The following ADCY1 variants were observed in gnomAD, a reference collection of about 807,000 sequenced individuals.
ADCY1 encodes the protein adenylate cyclase type 1.
ADCY1 carries 28 observed loss-of-function variants against 105.4 expected under a neutral mutation model. The observed-to-expected ratio is 0.27, with a 90% CI of 0.20 to 0.36. The LOEUF (loss-of-function observed/expected upper bound fraction) is 0.36, where lower values mean the gene tolerates loss of function less well. Among genes scored for constraint, ADCY1 ranks in the 10% least tolerant of loss-of-function variants. The probability of loss-of-function intolerance (pLI) is 1.00; values close to 1 mark genes in which losing one functional copy is unlikely to be tolerated. For synonymous variants in ADCY1, 655 were observed against 623.8 expected (o/e 1.05, Z -0.75); for missense variants, 977 against 1,434.2 (o/e 0.68, Z 5.15).
intron 1 of ADCY1, 111 bp from the exon 2 acceptor site, chr7:45,592,648 C>A: frequency 6.7e-7 from 1 of 1,482,062 alleles, no homozygotes; most frequent in Non-Finnish European, 9.2e-7. Flanking sequence ...TGGGTTTGGC[C>A]CGGGCGGCGT....
intron 8 of ADCY1, among the ~76,000 whole-genome samples, chr7:45,669,576 T>C (rs1393158683): frequency 6.6e-6 from 1 of 152,190 alleles, no homozygotes; most frequent in Non-Finnish European, 1.5e-5. Flanking sequence ...GGAATAGGTG[T>C]GGTGTGGTGC....
chr7:45,667,587 G>A (rs1377182069), intron 8 of ADCY1, among the ~76,000 whole-genome samples: 1 of 152,120 alleles, frequency 6.6e-6, no homozygotes, highest in Non-Finnish European at 1.5e-5. Context: ...TGTTCTTTTG[G>A]CTTAGGATTG....
Position 45,721,452 on chromosome 7 carries a change from T to A in ADCY1, c.*7457T>A, listed in dbSNP as rs1785470186. ...ATATACAGAATCTCCTTAAGAGCTG[T>A]TGCCTTATTTTTTTGTAAAGCCTCT... is the stretch of plus-strand genomic sequence containing the variant. On this transcript the variant is annotated 3_prime_UTR_variant, in exon 20 of 20. Transcript: ENST00000297323. The A allele has an allele frequency of 2.6e-6, 1 of 387,364 alleles. No homozygotes were observed. Among genetic ancestry groups the A allele is most frequent in the South Asian group, 1.4e-4 (1 of 6,928 alleles). The allele number at this position is 387,364 out of a possible 1,614,324, so 24.0% of individuals were successfully genotyped here.
chr7:45,599,585 C>T (rs1474244), intron 2 of ADCY1, among the ~76,000 whole-genome samples: 1 of 150,202 alleles, frequency 6.7e-6, no homozygotes, highest in African/African-American at 2.5e-5. Flanking sequence ...GGCATGTCCT[C>T]GGGGGCTGTG....
At chr7:45,602,010 C>T (rs768346456) in intron 2 of ADCY1, among the ~76,000 whole-genome samples, 155 of 152,070 alleles carry the variant, frequency 1.0e-3, no homozygotes, top group Non-Finnish European at 1.8e-3. Flanking sequence ...TTGACTGAAC[C>T]GAATAGGGAC....
chr7:45,631,598 ACAT>A (rs1265544096), intron 4 of ADCY1, among the ~76,000 whole-genome samples: 1 of 152,242 alleles, frequency 6.6e-6, no homozygotes, highest in Non-Finnish European at 1.5e-5. Flanking sequence ...TTGAAAACAA[ACAT>A]CATCCACAAA....
chr7:45,576,074 C>T (rs1484486064), intron 1 of ADCY1, among the ~76,000 whole-genome samples: 1 of 152,184 alleles, frequency 6.6e-6, no homozygotes, highest in Non-Finnish European at 1.5e-5. Flanking sequence ...TTTGGAAGAC[C>T]CTGAGGAGGG....
chr7:45,633,875 T>C (rs963298653), intron 4 of ADCY1, among the ~76,000 whole-genome samples: 1 of 152,036 alleles, frequency 6.6e-6, no homozygotes, highest in Non-Finnish European at 1.5e-5. Context: ...CCACAATTAC[T>C]TTTGCATCAA....
chr7:45,580,922 T>C (rs187606844), intron 1 of ADCY1, among the ~76,000 whole-genome samples: 104 of 152,264 alleles, frequency 6.8e-4, no homozygotes, highest in Non-Finnish European at 1.4e-3. Context: ...ACGGTGGTTT[T>C]AGGTTGATGT....
intron 5 of ADCY1, among the ~76,000 whole-genome samples, chr7:45,653,960 C>A (rs1794876681): frequency 6.6e-6 from 1 of 152,200 alleles, no homozygotes; most frequent in African/African-American, 2.4e-5. Context: ...TGGCTCCCAT[C>A]CTTCAGGCGA....
chr7:45,677,790 G>A, intron 8 of ADCY1, 79 bp from the exon 9 acceptor site: 1 of 1,472,204 alleles, frequency 6.8e-7, no homozygotes, highest in Non-Finnish European at 9.2e-7. Flanking sequence ...AGCGGATCTG[G>A]CTGGAGGGAG....
rs887251417 is a variant in ADCY1, at chr7:45,715,656, T to C, written c.*1661T>C. 2.6e-5 allele frequency: 4 copies of C among 152,516 alleles called. No individual in the cohort carries two copies. Among genetic ancestry groups the C allele is most frequent in the African/African-American group, 9.7e-5 (4 of 41,444 alleles). 9.4% of individuals were successfully genotyped at this position (152,516 alleles called of 1,614,324 possible). ...TGATCCTGCCTCAGCTGTGTGGCCATGTGGGGGCAGCAGGGGCCTGGGCCA... is the reference window on the plus strand; with the variant it reads ...TGATCCTGCCTCAGCTGTGTGGCCACGTGGGGGCAGCAGGGGCCTGGGCCA... On this transcript the variant is annotated 3_prime_UTR_variant, in exon 20 of 20. Transcript: ENST00000297323.
rs372360547 is a variant in ADCY1 at position 45,625,895 on chromosome 7, GAC to G, written c.1020+3155_1020+3156del. Among the ~76,000 whole-genome samples, 104 of 152,330 alleles carry G rather than the reference GAC, an allele frequency of 6.8e-4. 2 individuals are homozygous for G. The South Asian group carries it at 0.016, about 23-fold the overall frequency. ...TGTGTGCACGGATGTGTGCATTGCAGACACCTGCTGAAGCACAAAGCCCTGCA... is the reference window on the plus strand; with the variant it reads ...TGTGTGCACGGATGTGTGCATTGCAGACCTGCTGAAGCACAAAGCCCTGCA... On this transcript the variant is annotated intron_variant, in intron 4 of 19. Coordinates refer to ENST00000297323, the MANE Select transcript of ADCY1 (RefSeq NM_021116.4).
chr7:45,648,931 C>T, intron 5 of ADCY1, 134 bp downstream of exon 5: 1 of 1,086,822 alleles, frequency 9.2e-7, no homozygotes. Context: ...CTGTCTGAGG[C>T]TGCAGAGAAT....
At position 45,717,476 on chromosome 7, in the gene ADCY1, G is replaced by A. The variant is rs1267335350; in HGVS notation, c.*3481G>A. On this transcript the variant is annotated 3_prime_UTR_variant, in exon 20 of 20. Transcript: ENST00000297323. ...GTACAATATTCATGTACAAATGTTAGAGCCATTCGGGTAGGATTCTCTCTA... is the reference window on the plus strand; with the variant it reads ...GTACAATATTCATGTACAAATGTTAAAGCCATTCGGGTAGGATTCTCTCTA... 6.6e-6 allele frequency: 1 copy of A among 152,552 alleles called. No homozygotes were observed. Among genetic ancestry groups the A allele is most frequent in the African/African-American group, 2.4e-5 (1 of 41,434 alleles). The allele number at this position is 152,552 out of a possible 1,614,324, so 9.4% of individuals were successfully genotyped here.
In ADCY1 at chr7:45,592,741, C is replaced by G. The variant is rs1242361692; in HGVS notation, c.640-18C>G. The G allele has an allele frequency of 6.2e-7, 1 of 1,613,728 alleles. No homozygotes were observed. Among genetic ancestry groups the G allele is most frequent in the East Asian group, 2.2e-5 (1 of 44,874 alleles). ...TGGGATGTCAGGCTCCACATGTTGC[C>G]TCCTTCTCTCCCTGCAGCTCGGTGC... On this transcript the variant is annotated intron_variant, in intron 1 of 19. Coordinates refer to ENST00000297323, the MANE Select transcript of ADCY1 (RefSeq NM_021116.4).
At chr7:45,644,646 G>A (rs538834689) in intron 4 of ADCY1, among the ~76,000 whole-genome samples, 1 of 152,284 alleles carries the variant, frequency 6.6e-6, no homozygotes, top group Non-Finnish European at 1.5e-5. Flanking sequence ...ATGCCTCTGA[G>A]CCCCTGCCAA....
At chr7:45,588,390 T>G (rs1792797770) in intron 1 of ADCY1, among the ~76,000 whole-genome samples, 2 of 152,224 alleles carry the variant, frequency 1.3e-5, no homozygotes, top group African/African-American at 4.8e-5. Flanking sequence ...TTGGAGAATT[T>G]TATTAAAGAC....
intron 11 of ADCY1, among the ~76,000 whole-genome samples, chr7:45,681,974 C>T (rs1784565729): frequency 6.6e-6 from 1 of 152,214 alleles, no homozygotes; most frequent in Non-Finnish European, 1.5e-5. Flanking sequence ...GACCTTCACC[C>T]CTATCTGGTT....
Sources: gnomAD v4.1 joint callset for allele counts (sites outside exome capture counted in the v4.1 genomes callset) on GRCh38, gnomAD v4.1.1 for gene constraint, MANE v1.5 for transcripts, NCBI Gene and HGNC (gene_info 2026-07-23, HGNC 2026-07-21) for gene names.